The following LRRFIP1 variants were observed in gnomAD, a reference collection of about 807,000 sequenced individuals.
The protein encoded by LRRFIP1 is LRR binding FLII interacting protein 1.
Under a neutral mutation model 104.4 loss-of-function variants are expected in LRRFIP1, and 62 were observed. That is an observed-to-expected ratio of 0.59 (90% CI 0.48 to 0.73). The LOEUF is 0.73. Ranked by LOEUF, LRRFIP1 falls within the 30% of genes least tolerant of loss-of-function variation. LRRFIP1 has a pLI of 0.00. For synonymous variants in LRRFIP1, 300 were observed against 299.0 expected (o/e 1.00, Z -0.03); for missense variants, 796 against 824.5 (o/e 0.97, Z 0.42).
At chr2:237,755,137 C>G (rs954680438) in intron 15 of LRRFIP1, among the ~76,000 whole-genome samples, 1 of 152,210 alleles carries the variant, frequency 6.6e-6, no homozygotes, top group South Asian at 2.1e-4. Context: ...AGTTGGGTCT[C>G]AGGCCGTCAC....
At chr2:237,750,456 C>T (rs962513437) in intron 13 of LRRFIP1, among the ~76,000 whole-genome samples, 8 of 151,460 alleles carry the variant, frequency 5.3e-5, no homozygotes, top group Non-Finnish European at 8.8e-5. Context: ...CCAGCCTCAG[C>T]CTCCTGAGTA....
intron 1 of LRRFIP1, among the ~76,000 whole-genome samples, chr2:237,694,475 T>C (rs1046088658): frequency 7.5e-6 from 1 of 133,772 alleles, no homozygotes; most frequent in African/African-American, 2.8e-5. Flanking sequence ...TCATCATGGG[T>C]GGGGGGTAGG....
At chr2:237,776,338 A>T (rs1402875352) in intron 23 of LRRFIP1, among the ~76,000 whole-genome samples, 1 of 152,222 alleles carries the variant, frequency 6.6e-6, no homozygotes. Context: ...ATTTGTCAAT[A>T]CTTGCTTAAT....
chr2:237,763,929 G>A, intron 19 of LRRFIP1: 1 of 1,614,264 alleles, frequency 6.2e-7, no homozygotes, highest in Non-Finnish European at 8.5e-7. Flanking sequence ...CAGGACATTA[G>A]TGATGCCTGT....
chr2:237,758,612 T>C, intron 17 of LRRFIP1, 117 bp from the exon 18 acceptor site: 1 of 662,920 alleles, frequency 1.5e-6, no homozygotes, highest in Non-Finnish European at 2.6e-6. Flanking sequence ...GTCTCTTTAA[T>C]GTCTAGAGTC....
Position 237,672,154 on chromosome 2 carries a change from G to C in LRRFIP1, c.97-36390G>C, listed in dbSNP as rs531480857. 7.2e-5 allele frequency among the ~76,000 whole-genome samples: 11 copies of C among 151,792 alleles called. No individual in the cohort carries two copies. The South Asian group carries it at 1.9e-3, about 26-fold the overall frequency. ...GAAAAAAATGTTTTTTTTCCTTTCTGTCTAGATCCTTTAAAATATATAATA... is the reference window on the plus strand; with the variant it reads ...GAAAAAAATGTTTTTTTTCCTTTCTCTCTAGATCCTTTAAAATATATAATA... On this transcript the variant is annotated intron_variant, in intron 1 of 23. Transcript: ENST00000308482.
chr2:237,727,355 CAA>C (rs35562237), intron 7 of LRRFIP1, among the ~76,000 whole-genome samples: 190 of 84,682 alleles, frequency 2.2e-3, no homozygotes, highest in African/African-American at 5.6e-3. Context: ...GACTCTGTCT[CAA>C]AAAAAAAAAA....
intron 1 of LRRFIP1, among the ~76,000 whole-genome samples, chr2:237,643,122 C>T (rs1339338281): frequency 6.6e-6 from 1 of 152,256 alleles, no homozygotes; most frequent in Admixed American, 6.5e-5. Flanking sequence ...AATTCTTAAA[C>T]ACTCAGATGT....
chr2:237,752,179 G>T (rs765970142), intron 14 of LRRFIP1, among the ~76,000 whole-genome samples: 35 of 152,206 alleles, frequency 2.3e-4, no homozygotes, highest in Admixed American at 7.2e-4. Context: ...GCCGAGGTGG[G>T]TGGATCACCG....
intron 11 of LRRFIP1, among the ~76,000 whole-genome samples, chr2:237,746,968 C>A (rs1483859607): frequency 1.3e-5 from 2 of 152,234 alleles, no homozygotes; most frequent in Non-Finnish European, 2.9e-5. Context: ...GATGTGGCCT[C>A]TCTGCCCCCA....
At chr2:237,763,130 GAGAA>G (rs1376053869) in intron 19 of LRRFIP1, 8 of 1,614,110 alleles carry the variant, frequency 5.0e-6, no homozygotes. Flanking sequence ...GCATAGTTTA[GAGAA>G]AGAATTCACC....
chr2:237,689,852 C>A (rs2092646051), intron 1 of LRRFIP1, among the ~76,000 whole-genome samples: 1 of 152,212 alleles, frequency 6.6e-6, no homozygotes, highest in Admixed American at 6.5e-5. Flanking sequence ...AGGCAGCAGG[C>A]TAGCAGGGCA....
Position 237,758,415 on chromosome 2 carries a change from C to T in LRRFIP1, c.1225-314C>T, listed in dbSNP as rs953025658. Among the ~76,000 whole-genome samples the T allele has an allele frequency of 2.6e-5, 4 of 152,214 alleles. No individual in the cohort carries two copies. The South Asian group carries it at 6.2e-4, about 24-fold the overall frequency. ...AAGTGGAGACTTTGCGTAACTCTAA[C>T]GCAGCTGTGAACACGCAGACAAAGC... On this transcript the variant is annotated intron_variant, in intron 17 of 23. Transcript: ENST00000308482.
intron 11 of LRRFIP1, among the ~76,000 whole-genome samples, chr2:237,744,907 C>A (rs919656042): frequency 1.3e-5 from 2 of 152,246 alleles, no homozygotes; most frequent in African/African-American, 4.8e-5. Context: ...CAGCCTGGAC[C>A]GTCTGCAGCC....
intron 1 of LRRFIP1, among the ~76,000 whole-genome samples, chr2:237,665,299 G>A (rs6713703): frequency 0.65 from 98,150 of 152,078 alleles, 32,334 homozygotes; most frequent in Middle Eastern, 0.76. Context: ...AGATGTTTTT[G>A]TATTACTTAT....
chr2:237,687,277 C>T (rs979346812), intron 1 of LRRFIP1, among the ~76,000 whole-genome samples: 7 of 152,140 alleles, frequency 4.6e-5, no homozygotes, highest in South Asian at 2.1e-4. Context: ...ATGAGCCACA[C>T]GTATAACAGA....
intron 11 of LRRFIP1, among the ~76,000 whole-genome samples, chr2:237,742,979 G>A (rs1043820020): frequency 6.6e-6 from 1 of 151,626 alleles, no homozygotes; most frequent in Non-Finnish European, 1.5e-5. Flanking sequence ...GCTTCCCCTG[G>A]AAAGAGGGGT....
intron 1 of LRRFIP1, among the ~76,000 whole-genome samples, chr2:237,639,635 T>C (rs1481251549): frequency 6.6e-6 from 1 of 152,186 alleles, no homozygotes; most frequent in Non-Finnish European, 1.5e-5. Flanking sequence ...ACCCGCCTAT[T>C]TTTAACCAAT....
At chr2:237,666,653 C>T (rs778893623) in intron 1 of LRRFIP1, among the ~76,000 whole-genome samples, 4 of 152,242 alleles carry the variant, frequency 2.6e-5, no homozygotes, top group Non-Finnish European at 5.9e-5. Flanking sequence ...GAAGCAAACC[C>T]TGCTGGTACT....
Sources: gnomAD v4.1 joint callset for allele counts (sites outside exome capture counted in the v4.1 genomes callset) on GRCh38, gnomAD v4.1.1 for gene constraint, MANE v1.5 for transcripts, NCBI Gene and HGNC (gene_info 2026-07-23, HGNC 2026-07-21) for gene names.